Variants in GRM7 observed in about 807,000 individuals in gnomAD.
GRM7 encodes metabotropic glutamate receptor 7.
GRM7 carries 35 observed loss-of-function variants against 84.5 expected under a neutral mutation model. The observed-to-expected ratio is 0.41, with a 90% CI of 0.32 to 0.55. The LOEUF is 0.55. Among genes scored for constraint, GRM7 ranks in the 20% least tolerant of loss-of-function variants. GRM7 has a pLI of 0.19. For synonymous variants in GRM7, 487 were observed against 455.1 expected, an observed-to-expected ratio of 1.07 and a Z score of -0.89; for missense variants, 1,003 against 1,194.6, an observed-to-expected ratio of 0.84 and a Z score of 2.36.
At chr3:6,947,114 C>A (rs1313464675) in intron 1 of GRM7, among the ~76,000 whole-genome samples, 2 of 152,168 alleles carry the variant, frequency 1.3e-5, no homozygotes, top group Admixed American at 1.3e-4. Flanking sequence ...TGAGAGAGGG[C>A]ATCCCTGTCT....
chr3:7,733,096 T>C (rs549839681), intron 9 of GRM7, among the ~76,000 whole-genome samples: 16 of 152,170 alleles, frequency 1.1e-4, no homozygotes, highest in Non-Finnish European at 1.5e-4. Flanking sequence ...TTGGCCTTAC[T>C]GCATGCTATT....
At chr3:6,884,218 A>G (rs1695612667) in intron 1 of GRM7, 1 of 152,646 alleles carries the variant, frequency 6.6e-6, no homozygotes, top group Non-Finnish European at 1.5e-5. Context: ...TTATTTCTCC[A>G]GGTAGAACTA....
intron 2 of GRM7, among the ~76,000 whole-genome samples, chr3:7,229,742 TATATATATATATATATA>T (rs1559514578): frequency 3.0e-4 from 10 of 33,740 alleles, no homozygotes; most frequent in Middle Eastern, 0.016. Flanking sequence ...TATATATATA[TATATATATATATATATA>T]TTTTTTTTTT....
chr3:7,497,581 G>A (rs1699750395), intron 7 of GRM7, among the ~76,000 whole-genome samples: 1 of 152,120 alleles, frequency 6.6e-6, no homozygotes, highest in South Asian at 2.1e-4. Flanking sequence ...AAGAATGTCT[G>A]CATGTTCTTT....
At chr3:6,962,933 T>C (rs1693357532) in intron 1 of GRM7, among the ~76,000 whole-genome samples, 1 of 152,218 alleles carries the variant, frequency 6.6e-6, no homozygotes, top group African/African-American at 2.4e-5. Flanking sequence ...CTGGCTATCA[T>C]CAATCATGAA....
rs754353483 is a variant in GRM7 at position 7,313,074 on chromosome 3, G to A, written c.1033+6422G>A. Reference sequence around the variant, plus strand: ...CTCCCAAGTAGCTGGGATTACAGGCGCCTGCCACCACGCCCAACTAGTTTT... The same window carrying A: ...CTCCCAAGTAGCTGGGATTACAGGCACCTGCCACCACGCCCAACTAGTTTT... On this transcript the variant is annotated intron_variant, in intron 4 of 9. Transcript: ENST00000357716. Among the ~76,000 whole-genome samples the A allele has an allele frequency of 9.4e-4, 143 of 151,626 alleles. 1 individual carries two copies. The highest frequency in any genetic ancestry group is 1.2e-3 in the East Asian group (6 of 5,146).
intron 1 of GRM7, among the ~76,000 whole-genome samples, chr3:6,965,431 T>C (rs781395): frequency 0.94 from 143,509 of 152,234 alleles, 67,732 homozygotes; most frequent in East Asian, 1. Flanking sequence ...AATCCTCCCG[T>C]CTTAGCCTCC....
chr3:7,535,942 G>A (rs1321438634), intron 7 of GRM7, among the ~76,000 whole-genome samples: 2 of 152,180 alleles, frequency 1.3e-5, no homozygotes, highest in Non-Finnish European at 2.9e-5. Context: ...CGTAAGGTGG[G>A]AAGTAACTTC....
chr3:6,903,559 C>T (rs956848389), intron 1 of GRM7, among the ~76,000 whole-genome samples: 2 of 152,128 alleles, frequency 1.3e-5, no homozygotes, highest in African/African-American at 2.4e-5. Context: ...GTGATGAGAA[C>T]GTAGGCTGTT....
intron 5 of GRM7, among the ~76,000 whole-genome samples, chr3:7,446,621 G>A (rs564387396): frequency 5.1e-4 from 78 of 151,814 alleles, no homozygotes; most frequent in African/African-American, 1.9e-3. Flanking sequence ...GCCACAGCCC[G>A]GCTAATTTTT....
intron 1 of GRM7, among the ~76,000 whole-genome samples, chr3:7,061,839 A>G (rs1307863247): frequency 6.6e-6 from 1 of 151,762 alleles, no homozygotes; most frequent in Non-Finnish European, 1.5e-5. Context: ...GAATTTAAGT[A>G]ACTTTCTTGT....
At chr3:7,008,060 A>G (rs1695241923) in intron 1 of GRM7, among the ~76,000 whole-genome samples, 1 of 152,218 alleles carries the variant, frequency 6.6e-6, no homozygotes, top group Admixed American at 6.5e-5. Flanking sequence ...AAAAGATGGT[A>G]TAGACTCCCT....
At chr3:7,195,433 A>C (rs561477296) in intron 2 of GRM7, among the ~76,000 whole-genome samples, 1 of 152,256 alleles carries the variant, frequency 6.6e-6, no homozygotes, top group African/African-American at 2.4e-5. Context: ...AAAGGAAAAG[A>C]AATGAATGAT....
chr3:7,395,900 G>T (rs1336706461), intron 4 of GRM7, among the ~76,000 whole-genome samples: 1 of 152,012 alleles, frequency 6.6e-6, no homozygotes, highest in Non-Finnish European at 1.5e-5. Context: ...ATATCTAGGA[G>T]GAGAATATTC....
chr3:7,224,445 T>C (rs905573529), intron 2 of GRM7, among the ~76,000 whole-genome samples: 4 of 152,164 alleles, frequency 2.6e-5, no homozygotes, highest in Non-Finnish European at 4.4e-5. Context: ...GGGATTACAG[T>C]TGAACATGAG....
chr3:6,916,857 A>T (rs1199358762), intron 1 of GRM7, among the ~76,000 whole-genome samples: 1 of 152,168 alleles, frequency 6.6e-6, no homozygotes, highest in Non-Finnish European at 1.5e-5. Flanking sequence ...CCTGATATGT[A>T]AGAAGAAAAA....
intron 2 of GRM7, among the ~76,000 whole-genome samples, chr3:7,149,674 C>T (rs561049834): frequency 1.3e-5 from 2 of 152,102 alleles, no homozygotes; most frequent in Non-Finnish European, 2.9e-5. Flanking sequence ...TGATGGACTC[C>T]ATCACTCTCT....
At chr3:7,091,131 T>C (rs531559227) in intron 1 of GRM7, among the ~76,000 whole-genome samples, 3 of 151,842 alleles carry the variant, frequency 2.0e-5, no homozygotes, top group Non-Finnish European at 4.4e-5. Flanking sequence ...ATAAATTCTT[T>C]AGCTCTGCAG....
chr3:7,164,162 C>T (rs1694724339), intron 2 of GRM7, among the ~76,000 whole-genome samples: 1 of 152,148 alleles, frequency 6.6e-6, no homozygotes, highest in Non-Finnish European at 1.5e-5. Context: ...AGTTCAAGAC[C>T]AGCCTGGCCA....
Sources: gnomAD v4.1 joint callset for allele counts (sites outside exome capture counted in the v4.1 genomes callset) on GRCh38, gnomAD v4.1.1 for gene constraint, MANE v1.5 for transcripts, NCBI Gene and HGNC (gene_info 2026-07-23, HGNC 2026-07-21) for gene names.